The following OCA2 variants were observed in gnomAD, a reference collection of about 807,000 sequenced individuals.
The protein encoded by OCA2 is OCA2 melanosomal transmembrane protein.
Under a neutral mutation model 100.2 loss-of-function variants are expected in OCA2, and 77 were observed. The ratio of observed to expected loss-of-function variants is 0.77; its 90% CI spans 0.64 to 0.93. The LOEUF (loss-of-function observed/expected upper bound fraction) is 0.93. Ranked by LOEUF, OCA2 falls within the 40% of genes least tolerant of loss-of-function variation. The pLI is 0.00. For synonymous variants in OCA2, 432 were observed against 439.2 expected (o/e 0.98, Z 0.21); for missense variants, 1,062 against 1,089.1 (o/e 0.98, Z 0.35).
At chr15:27,837,002 G>A (rs1471823939) in intron 23 of OCA2, among the ~76,000 whole-genome samples, 1 of 152,144 alleles carries the variant, frequency 6.6e-6, no homozygotes, top group Non-Finnish European at 1.5e-5. Context: ...GTGTCTCTAT[G>A]TTTAAAGAAA....
chr15:27,759,395 T>C (rs2030648662), intron 23 of OCA2, among the ~76,000 whole-genome samples: 2 of 152,154 alleles, frequency 1.3e-5, no homozygotes, highest in South Asian at 2.1e-4. Flanking sequence ...TTAAATATGA[T>C]AAACTTTCCT....
the OCA2 span, among the ~76,000 whole-genome samples, chr15:27,742,116 G>A: frequency 5.9e-5 from 9 of 152,300 alleles, no homozygotes; most frequent in African/African-American, 1.9e-4. Flanking sequence ...ATTTCAACAC[G>A]TGCTCAGTGT....
rs1195199235 is a variant in OCA2, at chr15:28,098,112, T to C, written c.-22+1112A>G. 2.0e-5 allele frequency among the ~76,000 whole-genome samples: 3 copies of C among 152,186 alleles called. No homozygotes were observed. In the East Asian group the frequency reaches 5.8e-4, roughly 29 times the overall value. On this transcript the variant is annotated intron_variant, in intron 1 of 23. Transcript: ENST00000354638. ...CGTTCTTCTCATAAAACAAGAACAG[T>C]ATAGGCATTTGCTTTTCATCAGTGT...
At position 27,755,335 on chromosome 15, in the gene OCA2, G is replaced by A; in HGVS notation, c.*53C>T. 7.4e-7 allele frequency: 1 copy of A among 1,351,576 alleles called. No homozygotes were observed. Among genetic ancestry groups the A allele is most frequent in the Non-Finnish European group, 1.1e-6 (1 of 941,138 alleles). 83.7% of individuals were successfully genotyped at this position (1,351,576 alleles called of 1,614,324 possible). ...GGGTCAGGGTAGTTTTATGACTAAT[G>A]GGTTGTGATGGATGAAGTTTCCTTT... On this transcript the variant is annotated 3_prime_UTR_variant, in exon 24 of 24. Coordinates refer to ENST00000354638, the MANE Select transcript of OCA2 (RefSeq NM_000275.3).
chr15:27,896,638 CAAAAAAAAA>C, intron 19 of OCA2: 1 of 141,182 alleles, frequency 7.1e-6, no homozygotes, highest in East Asian at 2.0e-4. Context: ...TTATTGACAG[CAAAAAAAAA>C]AAAAAAAAAT....
chr15:27,977,939 C>T (rs552108962), intron 14 of OCA2, among the ~76,000 whole-genome samples: 11 of 152,348 alleles, frequency 7.2e-5, no homozygotes, highest in African/African-American at 2.6e-4. Flanking sequence ...AGCCTCCCGA[C>T]TGTGAGGAAT....
chr15:27,776,608 C>G (rs957636638), intron 23 of OCA2: 1 of 152,344 alleles, frequency 6.6e-6, no homozygotes, highest in Non-Finnish European at 1.5e-5. Context: ...TGGAGGCAGG[C>G]TGAGGCACCT....
At chr15:28,069,127 A>C (rs1841197372) in intron 2 of OCA2, among the ~76,000 whole-genome samples, 1 of 152,110 alleles carries the variant, frequency 6.6e-6, no homozygotes, top group Admixed American at 6.5e-5. Flanking sequence ...ATAGCCATCC[A>C]AACAAGAAAA....
chr15:28,096,054 C>T (rs1050121461), intron 1 of OCA2, among the ~76,000 whole-genome samples: 1 of 152,188 alleles, frequency 6.6e-6, no homozygotes, highest in Non-Finnish European at 1.5e-5. Flanking sequence ...TCTCGGAGCA[C>T]GGCCCTTCTC....
chr15:27,787,845 T>C (rs2032891657), intron 23 of OCA2, among the ~76,000 whole-genome samples: 1 of 151,982 alleles, frequency 6.6e-6, no homozygotes, highest in African/African-American at 2.4e-5. Flanking sequence ...ATTTTTCTTC[T>C]TTTCCGTCAT....
At chr15:27,747,045 A>C in the OCA2 span, among the ~76,000 whole-genome samples, 1 of 152,188 alleles carries the variant, frequency 6.6e-6, no homozygotes. Flanking sequence ...TAAATGTATC[A>C]ATTTCACTTA....
At chr15:28,069,493 G>A (rs1445779280) in intron 2 of OCA2, among the ~76,000 whole-genome samples, 1 of 126,800 alleles carries the variant, frequency 7.9e-6, no homozygotes, top group Non-Finnish European at 1.6e-5. Context: ...CTGCCATCTC[G>A]GCTCACTGCA....
chr15:27,997,048 G>GAGAAA, intron 9 of OCA2, among the ~76,000 whole-genome samples: 1 of 43,586 alleles, frequency 2.3e-5, no homozygotes, highest in Non-Finnish European at 1.0e-4. Context: ...AGAGAAAGAA[G>GAGAAA]GAAGGAAGGA....
chr15:27,823,989 G>A (rs1312554416), intron 23 of OCA2, among the ~76,000 whole-genome samples: 1 of 152,216 alleles, frequency 6.6e-6, no homozygotes, highest in Non-Finnish European at 1.5e-5. Flanking sequence ...AACTTTGCAA[G>A]CTCAGGGGGA....
At chr15:27,814,901 TAGATA>T (rs1471843799) in intron 23 of OCA2, among the ~76,000 whole-genome samples, 8 of 145,638 alleles carry the variant, frequency 5.5e-5, no homozygotes, top group African/African-American at 2.1e-4. Context: ...GATAGATAGA[TAGATA>T]GATAGATAGA....
Position 27,871,156 on chromosome 15 carries a change from T to A in OCA2, c.2242A>T (p.Met748Leu), listed in dbSNP as rs767532456. 1 of 1,611,196 alleles carries A rather than the reference T, an allele frequency of 6.2e-7. No homozygotes were observed. Among genetic ancestry groups the A allele is most frequent in the Non-Finnish European group, 8.5e-7 (1 of 1,177,358 alleles). The change falls in exon 21 of 24, where the codon ATG (methionine) becomes TTG (leucine). Residue 748 changes from methionine to leucine, a missense_variant and splice_region_variant. Physicochemically the swap from Met to Leu is conservative, Grantham distance 15. Coordinates refer to ENST00000354638, the MANE Select transcript of OCA2 (RefSeq NM_000275.3). Reference protein sequence around the residue: ...LIDNIPFTATMIPVLLNLSHD... With the variant: ...LIDNIPFTATLIPVLLNLSHD... The stretch of plus-strand genomic sequence containing the variant: ...CGACATGGACATGTGCAACTCACCA[T>A]GGTAGCAGTGAACGGGATGTTGTCA...
At chr15:27,953,801 T>C (rs1272431059) in intron 17 of OCA2, among the ~76,000 whole-genome samples, 4 of 151,966 alleles carry the variant, frequency 2.6e-5, no homozygotes, top group Admixed American at 2.6e-4. Context: ...CAGGTGATGT[T>C]TGGTTATATG....
At chr15:27,839,494 A>G (rs2035271325) in intron 23 of OCA2, among the ~76,000 whole-genome samples, 1 of 152,220 alleles carries the variant, frequency 6.6e-6, no homozygotes, top group South Asian at 2.1e-4. Flanking sequence ...AAAGGCTAAA[A>G]GCTGAGCAAG....
At chr15:27,867,568 A>G (rs896656327) in intron 21 of OCA2, among the ~76,000 whole-genome samples, 2 of 152,238 alleles carry the variant, frequency 1.3e-5, no homozygotes, top group African/African-American at 4.8e-5. Context: ...ACAAGGTAAA[A>G]GAAACCAGTC....
Sources: gnomAD v4.1 joint callset for allele counts (sites outside exome capture counted in the v4.1 genomes callset) on GRCh38, gnomAD v4.1.1 for gene constraint, MANE v1.5 for transcripts, NCBI Gene and HGNC (gene_info 2026-07-23, HGNC 2026-07-21) for gene names.